The following FHL2 variants were observed in gnomAD, a reference collection of about 807,000 sequenced individuals.
FHL2 encodes the protein four and a half LIM domains 2, also known as four and a half LIM domains protein 2.
FHL2 carries 20 observed loss-of-function variants against 32.7 expected under a neutral mutation model. The ratio of observed to expected loss-of-function variants is 0.61; its 90% CI spans 0.43 to 0.89. The LOEUF (loss-of-function observed/expected upper bound fraction) is 0.89, where lower values mean the gene tolerates loss of function less well. FHL2 is among the 40% of genes least tolerant of loss of function. The pLI, the probability that FHL2 is intolerant of heterozygous loss-of-function variation, is 0.00. For missense variants in FHL2, 311 were observed against 358.6 expected, an observed-to-expected ratio of 0.87 and a Z score of 1.07; for synonymous variants, 123 against 128.1, an observed-to-expected ratio of 0.96 and a Z score of 0.27.
intron 1 of FHL2, among the ~76,000 whole-genome samples, chr2:105,416,807 C>T (rs1683949486): frequency 1.3e-5 from 2 of 152,202 alleles, no homozygotes. Flanking sequence ...TGCTAATTTT[C>T]ACCTGAAAAC....
At chr2:105,417,823 TC>T (rs1683978420) in intron 1 of FHL2, among the ~76,000 whole-genome samples, 1 of 152,120 alleles carries the variant, frequency 6.6e-6, no homozygotes, top group Non-Finnish European at 1.5e-5. Context: ...CTTTTCTTTT[TC>T]CCCCTACTGC....
At chr2:105,424,352 C>T (rs985545385) in intron 1 of FHL2, among the ~76,000 whole-genome samples, 1 of 152,106 alleles carries the variant, frequency 6.6e-6, no homozygotes, top group Non-Finnish European at 1.5e-5. Context: ...AGTTAGAATG[C>T]TGATCATTAA....
rs987767710 is a variant in FHL2, at chr2:105,394,775, T to C, written c.-25+1872A>G. Among the ~76,000 whole-genome samples the C allele has an allele frequency of 5.3e-5, 8 of 152,324 alleles. No homozygotes were observed. In the East Asian group the frequency reaches 9.6e-4, roughly 18 times the overall value. ...ATTAATTTAATAAGCCTTTACTAAA[T>C]GCATGTACAGACAGGTGTCAGAGGT... On this transcript the variant is annotated intron_variant, in intron 2 of 6. Coordinates refer to ENST00000530340, the MANE Select transcript of FHL2 (RefSeq NM_001318895.3).
At chr2:105,420,254 A>C (rs1684058974) in intron 1 of FHL2, among the ~76,000 whole-genome samples, 1 of 152,178 alleles carries the variant, frequency 6.6e-6, no homozygotes, top group Admixed American at 6.5e-5. Flanking sequence ...GTTTGCTGGC[A>C]ATCTTTGGCA....
chr2:105,396,619 G>T, intron 2 of FHL2, 28 bp downstream of exon 2: 1 of 1,604,568 alleles, frequency 6.2e-7, no homozygotes, highest in Non-Finnish European at 8.5e-7. Context: ...CACAATTTAG[G>T]ATAACAGAGG....
chr2:105,378,072 T>C (rs770568246), intron 3 of FHL2: 2 of 471,150 alleles, frequency 4.2e-6, no homozygotes, highest in South Asian at 3.1e-5. Context: ...CAGCCAGTGC[T>C]CCGGTCATTA....
chr2:105,427,000 G>C (rs1684289179), intron 1 of FHL2, among the ~76,000 whole-genome samples: 1 of 152,172 alleles, frequency 6.6e-6, no homozygotes, highest in African/African-American at 2.4e-5. Flanking sequence ...CTAGCCTAAA[G>C]GATCAAACTA....
At chr2:105,364,564 TG>T (rs1680501471) in intron 5 of FHL2, among the ~76,000 whole-genome samples, 1 of 152,258 alleles carries the variant, frequency 6.6e-6, no homozygotes, top group Non-Finnish European at 1.5e-5. Flanking sequence ...CTCCAAATGT[TG>T]CATCTCACAT....
chr2:105,433,757 T>C (rs750384614), intron 1 of FHL2, among the ~76,000 whole-genome samples: 1 of 152,194 alleles, frequency 6.6e-6, no homozygotes, highest in African/African-American at 2.4e-5. Context: ...ACAACTATTA[T>C]CTCTCTAATT....
At chr2:105,371,836 C>A (rs1019846986) in intron 4 of FHL2, among the ~76,000 whole-genome samples, 4 of 152,132 alleles carry the variant, frequency 2.6e-5, no homozygotes, top group Non-Finnish European at 5.9e-5. Flanking sequence ...CTTATTGTTA[C>A]TGAGTGTTGT....
chr2:105,427,821 G>A (rs1001405976), intron 1 of FHL2, among the ~76,000 whole-genome samples: 2 of 152,134 alleles, frequency 1.3e-5, no homozygotes, highest in African/African-American at 4.8e-5. Flanking sequence ...CCCTCTGACA[G>A]GGCCCCGAGA....
At chr2:105,384,098 G>C (rs969750898) in intron 3 of FHL2, among the ~76,000 whole-genome samples, 1 of 152,016 alleles carries the variant, frequency 6.6e-6, no homozygotes, top group African/African-American at 2.4e-5. Context: ...TTTTTGTTTT[G>C]TTTTTATTTC....
Position 105,361,243 on chromosome 2 carries a change from T to G in FHL2, c.*40A>C. 1 of 1,583,988 alleles carries G rather than the reference T, an allele frequency of 6.3e-7. No individual in the cohort carries two copies. Among genetic ancestry groups the G allele is most frequent in the South Asian group, 1.1e-5 (1 of 87,524 alleles). ...GGGTGAGAAAGAAAACATAAAAATC[T>G]GTGTGTGAGATCACAAGCAGCAACT... is the stretch of plus-strand genomic sequence containing the variant. On this transcript the variant is annotated 3_prime_UTR_variant, in exon 7 of 7. Coordinates refer to ENST00000530340, the MANE Select transcript of FHL2 (RefSeq NM_001318895.3).
chr2:105,436,079 G>T (rs1684600332), intron 1 of FHL2, among the ~76,000 whole-genome samples: 1 of 152,106 alleles, frequency 6.6e-6, no homozygotes, highest in Admixed American at 6.5e-5. Context: ...AAATTCAAAT[G>T]AAGTATCAAA....
At chr2:105,357,817 A>T (rs1455773569), downstream of FHL2, 1 of 152,064 alleles carries the variant, frequency 6.6e-6, no homozygotes, top group African/African-American at 2.4e-5. Context: ...TCCTTTTTTA[A>T]ATATGATTTC....
intron 2 of FHL2, 97 bp downstream of exon 2, chr2:105,396,550 G>T (rs1480805258): frequency 9.2e-6 from 10 of 1,085,626 alleles, no homozygotes; most frequent in Admixed American, 5.6e-5. Context: ...TTTGGGCACC[G>T]CATGGCCCAG....
At chr2:105,414,409 A>C (rs1412335783) in intron 1 of FHL2, among the ~76,000 whole-genome samples, 3 of 151,108 alleles carry the variant, frequency 2.0e-5, no homozygotes, top group African/African-American at 7.3e-5. Flanking sequence ...GAAAGTCCCA[A>C]CCCTCTAGTC....
intron 1 of FHL2, among the ~76,000 whole-genome samples, chr2:105,412,505 T>A (rs1195113649): frequency 1.3e-5 from 2 of 152,188 alleles, no homozygotes; most frequent in Non-Finnish European, 2.9e-5. Context: ...AGGATGAGAT[T>A]CAGGGAGAAG....
intron 3 of FHL2, among the ~76,000 whole-genome samples, chr2:105,384,771 G>A (rs1204304059): frequency 1.3e-5 from 2 of 152,232 alleles, no homozygotes; most frequent in Non-Finnish European, 2.9e-5. Flanking sequence ...GCCTCCCAAA[G>A]TGCTGGGATT....
Sources: gnomAD v4.1 joint callset for allele counts (sites outside exome capture counted in the v4.1 genomes callset) on GRCh38, gnomAD v4.1.1 for gene constraint, MANE v1.5 for transcripts, NCBI Gene and HGNC (gene_info 2026-07-23, HGNC 2026-07-21) for gene names.